The following PHACTR1 variants were observed in gnomAD, a reference collection of about 807,000 sequenced individuals.
PHACTR1 encodes the protein RPEL repeat containing 1.
A neutral mutation model predicts 69.2 loss-of-function variants in PHACTR1; 16 were observed. The observed-to-expected ratio is 0.23, with a 90% confidence interval of 0.16 to 0.35. The LOEUF (loss-of-function observed/expected upper bound fraction) is 0.35. Among genes scored for constraint, PHACTR1 ranks in the 10% least tolerant of loss-of-function variants. The pLI is 1.00. For missense variants in PHACTR1, 510 were observed against 734.7 expected (o/e 0.69, Z 3.54); for synonymous variants, 312 against 284.5 (o/e 1.10, Z -0.97).
At chr6:13,273,152 T>C (rs1778131873) in intron 11 of PHACTR1, 2 of 527,464 alleles carry the variant, frequency 3.8e-6, no homozygotes, top group Non-Finnish European at 6.6e-6. Flanking sequence ...AACCTTCCTT[T>C]TAGTGAGTTG....
intron 8 of PHACTR1, among the ~76,000 whole-genome samples, chr6:13,211,351 T>C (rs80274507): frequency 0.015 from 2,346 of 152,174 alleles, 53 homozygotes; most frequent in African/African-American, 0.054. Context: ...GATGCAGTGT[T>C]TTTATTTTTA....
chr6:13,269,063 G>C (rs537460420), intron 10 of PHACTR1, among the ~76,000 whole-genome samples: 1 of 152,142 alleles, frequency 6.6e-6, no homozygotes, highest in South Asian at 2.1e-4. Context: ...GGATGGCACC[G>C]TCAAAGCTGA....
intron 4 of PHACTR1, among the ~76,000 whole-genome samples, chr6:12,973,986 A>C (rs548624292): frequency 1.5e-4 from 20 of 133,640 alleles, no homozygotes; most frequent in Non-Finnish European, 2.9e-4. Flanking sequence ...CAGTGGCACG[A>C]TCTCAGCTCG....
chr6:12,730,709 G>A (rs1346161076), intron 3 of PHACTR1, among the ~76,000 whole-genome samples: 1 of 152,164 alleles, frequency 6.6e-6, no homozygotes, highest in African/African-American at 2.4e-5. Context: ...CAGGTATTAA[G>A]CCTAGTACCC....
At chr6:12,802,931 C>A (rs999735863) in intron 4 of PHACTR1, among the ~76,000 whole-genome samples, 2 of 152,160 alleles carry the variant, frequency 1.3e-5, no homozygotes, top group East Asian at 3.8e-4. Context: ...GTATTCCTTA[C>A]TCTTGAATGA....
intron 4 of PHACTR1, among the ~76,000 whole-genome samples, chr6:12,820,594 CTCTCT>C (rs1172628115): frequency 6.6e-6 from 1 of 152,222 alleles, no homozygotes; most frequent in African/African-American, 2.4e-5. Context: ...TCCTCTCATC[CTCTCT>C]TATCTTGGAG....
intron 4 of PHACTR1, among the ~76,000 whole-genome samples, chr6:12,968,610 G>T (rs1235683929): frequency 2.0e-5 from 3 of 152,196 alleles, no homozygotes; most frequent in Admixed American, 1.3e-4. Context: ...GAATTAAGGA[G>T]TAACTAAATT....
intron 4 of PHACTR1, among the ~76,000 whole-genome samples, chr6:12,777,887 C>T (rs573166213): frequency 2.5e-4 from 38 of 152,304 alleles, no homozygotes; most frequent in African/African-American, 8.4e-4. Context: ...CTGCCTTGGC[C>T]TCCCAAAGTG....
intron 4 of PHACTR1, among the ~76,000 whole-genome samples, chr6:12,870,121 GAA>G (rs34371420): frequency 6.5e-5 from 9 of 137,710 alleles, no homozygotes; most frequent in African/African-American, 1.6e-4. Flanking sequence ...TAAGGACATG[GAA>G]AAAAAAAAAA....
chr6:12,844,000 A>T (rs866419313), intron 4 of PHACTR1, among the ~76,000 whole-genome samples: 1 of 152,226 alleles, frequency 6.6e-6, no homozygotes, highest in Admixed American at 6.5e-5. Flanking sequence ...TTGAGCAATA[A>T]TCACTTTGAG....
intron 4 of PHACTR1, among the ~76,000 whole-genome samples, chr6:12,794,988 A>G (rs773725623): frequency 3.9e-5 from 6 of 152,128 alleles, no homozygotes; most frequent in Non-Finnish European, 7.3e-5. Flanking sequence ...GTCACAAATG[A>G]CCTAGACAGA....
intron 4 of PHACTR1, among the ~76,000 whole-genome samples, chr6:12,870,493 T>C (rs1483854823): frequency 6.6e-6 from 1 of 152,158 alleles, no homozygotes; most frequent in Non-Finnish European, 1.5e-5. Flanking sequence ...GCCTGCGAAA[T>C]GTTTAAAATT....
chr6:12,782,989 A>G (rs528968280), intron 4 of PHACTR1, among the ~76,000 whole-genome samples: 1 of 152,332 alleles, frequency 6.6e-6, no homozygotes, highest in South Asian at 2.1e-4. Context: ...TCAGTTATGA[A>G]TCTTCCTTGT....
intron 7 of PHACTR1, among the ~76,000 whole-genome samples, chr6:13,189,398 CT>C (rs1321282206): frequency 4.9e-4 from 73 of 148,394 alleles, no homozygotes; most frequent in Middle Eastern, 3.4e-3. Flanking sequence ...CCCACCCCCC[CT>C]TTTTTTTTTC....
Position 13,283,889 on chromosome 6 carries a change from C to G in PHACTR1, c.1650+327C>G, listed in dbSNP as rs1430679472. 1 of 337,514 alleles carries G rather than the reference C, an allele frequency of 3.0e-6. No homozygotes were observed. Among genetic ancestry groups the G allele is most frequent in the Non-Finnish European group, 5.7e-6 (1 of 176,068 alleles). The allele number at this position is 337,514 out of a possible 1,614,324, so 20.9% of individuals were successfully genotyped here. ...CAAGAGGCTCCAGGCTCATCACAGC[C>G]CTTCCGTATAGGGGATGGTGCTGCC... On this transcript the variant is annotated intron_variant, in intron 13 of 14. Coordinates refer to ENST00000332995, the MANE Select transcript of PHACTR1 (RefSeq NM_030948.6). The surrounding 1 kb of genome is among the most constrained non-coding windows in gnomAD (Gnocchi z 4.7).
intron 7 of PHACTR1, 131 bp from the exon 8 acceptor site, chr6:13,205,684 C>A: frequency 1.2e-6 from 1 of 817,028 alleles, no homozygotes; most frequent in Non-Finnish European, 1.9e-6. Flanking sequence ...ACGCTGGTGC[C>A]TCCAACTGAC....
chr6:12,742,283 G>A (rs1177092610), intron 3 of PHACTR1, among the ~76,000 whole-genome samples: 1 of 152,130 alleles, frequency 6.6e-6, no homozygotes, highest in Admixed American at 6.5e-5. Flanking sequence ...CAGAGCTTAG[G>A]GTTCCTCCCC....
intron 4 of PHACTR1, among the ~76,000 whole-genome samples, chr6:12,801,165 G>A (rs1773649828): frequency 6.6e-6 from 1 of 152,160 alleles, no homozygotes. Context: ...AAGATTTAGA[G>A]CATGTTAATA....
At chr6:12,773,017 TAAC>T (rs1049589878) in intron 4 of PHACTR1, among the ~76,000 whole-genome samples, 4 of 152,106 alleles carry the variant, frequency 2.6e-5, no homozygotes, top group Non-Finnish European at 4.4e-5. Flanking sequence ...GATGTGATAA[TAAC>T]AAGACCTTTA....
Sources: gnomAD v4.1 joint callset for allele counts (sites outside exome capture counted in the v4.1 genomes callset) on GRCh38, gnomAD v4.1.1 for gene constraint, Gnocchi (gnomAD v3.1) non-coding constraint, MANE v1.5 for transcripts, NCBI Gene and HGNC (gene_info 2026-07-23, HGNC 2026-07-21) for gene names.